The following STARD13 variants were observed in gnomAD, a reference collection of about 807,000 sequenced individuals.
STARD13 encodes the protein stAR-related lipid transfer protein 13.
In STARD13, 62 loss-of-function variants were observed where a neutral mutation model predicts 106.4. The ratio of observed to expected loss-of-function variants is 0.58; its 90% confidence interval spans 0.48 to 0.72. The LOEUF (loss-of-function observed/expected upper bound fraction) is 0.72. Ranked by LOEUF, STARD13 falls within the 30% of genes least tolerant of loss-of-function variation. STARD13 has a pLI of 0.00. For missense variants in STARD13, 1,387 were observed against 1,424.0 expected, an observed-to-expected ratio of 0.97 and a Z score of 0.42; for synonymous variants, 565 against 553.0, an observed-to-expected ratio of 1.02 and a Z score of -0.31.
At chr13:33,225,472 A>G (rs1888576491) in intron 1 of STARD13, among the ~76,000 whole-genome samples, 1 of 152,170 alleles carries the variant, frequency 6.6e-6, no homozygotes, top group Non-Finnish European at 1.5e-5. Flanking sequence ...ATTACGTGTA[A>G]AGTAAGAGTA....
intron 1 of STARD13, among the ~76,000 whole-genome samples, chr13:33,224,992 T>G (rs966399783): frequency 2.6e-5 from 4 of 151,684 alleles, no homozygotes; most frequent in African/African-American, 9.6e-5. Context: ...TAACAGGATT[T>G]TGTGTGTGTG....
At chr13:33,142,457 A>T (rs1401539818) in intron 3 of STARD13, 84 bp from the exon 4 acceptor site, 5 of 1,297,940 alleles carry the variant, frequency 3.9e-6, no homozygotes, top group Admixed American at 3.4e-5. Flanking sequence ...TATTTCCAGT[A>T]AAGTTGAAAC....
At chr13:33,528,381 A>G in the STARD13 span, among the ~76,000 whole-genome samples, 2 of 149,930 alleles carry the variant, frequency 1.3e-5, no homozygotes, top group African/African-American at 4.9e-5. Context: ...GCCATCCTCC[A>G]GCTTCAGTCT....
At chr13:33,454,957 C>T in the STARD13 span, among the ~76,000 whole-genome samples, 1 of 152,182 alleles carries the variant, frequency 6.6e-6, no homozygotes, top group East Asian at 1.9e-4. Flanking sequence ...CTGGCCTACA[C>T]TCTGGGAAGG....
chr13:33,296,023 C>T (rs1296437737), intron 1 of STARD13, among the ~76,000 whole-genome samples: 6 of 151,646 alleles, frequency 4.0e-5, no homozygotes, highest in Non-Finnish European at 8.8e-5. Context: ...GAGTTCAAGA[C>T]CAGCCTGGCC....
chr13:33,362,701 C>G, the STARD13 span, among the ~76,000 whole-genome samples: 1 of 152,202 alleles, frequency 6.6e-6, no homozygotes. Context: ...TAGCTGTCCC[C>G]TCTTTGGAAG....
chr13:33,215,115 T>C (rs1887955707), intron 1 of STARD13, among the ~76,000 whole-genome samples: 1 of 37,976 alleles, frequency 2.6e-5, no homozygotes, highest in African/African-American at 1.3e-4. Flanking sequence ...ATAGAATGAG[T>C]ACTTGGGGGG....
chr13:33,140,167 G>A (rs1436638267), intron 4 of STARD13, among the ~76,000 whole-genome samples: 1 of 152,208 alleles, frequency 6.6e-6, no homozygotes, highest in Non-Finnish European at 1.5e-5. Context: ...TCTCGCCTCT[G>A]GGTTTTGAAA....
the STARD13 span, among the ~76,000 whole-genome samples, chr13:33,650,400 C>T: frequency 6.6e-6 from 1 of 150,822 alleles, no homozygotes; most frequent in African/African-American, 2.4e-5. Context: ...CCGTTTTAGC[C>T]GGGATGGTCT....
the STARD13 span, among the ~76,000 whole-genome samples, chr13:33,634,681 T>C: frequency 6.6e-6 from 1 of 152,088 alleles, no homozygotes; most frequent in Non-Finnish European, 1.5e-5. Context: ...CTGTTGCGTT[T>C]TGATAAACAC....
At chr13:33,498,996 G>A in the STARD13 span, among the ~76,000 whole-genome samples, 1 of 152,128 alleles carries the variant, frequency 6.6e-6, no homozygotes, top group Admixed American at 6.6e-5. Flanking sequence ...AAATTAGACA[G>A]GTGTGGTGGC....
intron 1 of STARD13, among the ~76,000 whole-genome samples, chr13:33,294,404 C>T (rs1228720919): frequency 6.6e-6 from 1 of 152,160 alleles, no homozygotes. Flanking sequence ...AGTTGATCAC[C>T]CACTAACTGT....
chr13:33,436,922 A>G, the STARD13 span, among the ~76,000 whole-genome samples: 4 of 152,314 alleles, frequency 2.6e-5, no homozygotes, highest in South Asian at 8.3e-4. Flanking sequence ...ACAGTGGGTC[A>G]GGGTCATATC....
chr13:33,116,391 G>T (rs1875376041), intron 8 of STARD13, among the ~76,000 whole-genome samples: 1 of 152,058 alleles, frequency 6.6e-6, no homozygotes, highest in Non-Finnish European at 1.5e-5. Context: ...GGAGTTTTTT[G>T]TGTTCATGCC....
intron 1 of STARD13, among the ~76,000 whole-genome samples, chr13:33,207,377 C>T (rs2555591): frequency 0.7 from 106,567 of 152,094 alleles, 37,833 homozygotes; most frequent in African/African-American, 0.75. Context: ...AAAAACACAA[C>T]TGGAGTCTGT....
At position 33,116,825 on chromosome 13, in the gene STARD13, C is replaced by T. The variant is rs541611307; in HGVS notation, c.2281+1240G>A. On this transcript the variant is annotated intron_variant, in intron 8 of 13. Coordinates refer to ENST00000336934, the MANE Select transcript of STARD13 (RefSeq NM_178006.4). ...AAACTAATATTTACTTAGTGGGTTGCCACCTTAATCTGTTTTCACAAGTGG... is the reference window on the plus strand; with the variant it reads ...AAACTAATATTTACTTAGTGGGTTGTCACCTTAATCTGTTTTCACAAGTGG... Among the ~76,000 whole-genome samples the T allele has an allele frequency of 1.2e-4, 19 of 152,302 alleles. No individual in the cohort carries two copies. The South Asian group carries it at 3.9e-3, about 32-fold the overall frequency.
chr13:33,189,410 CCTGCTTTCCCTCCTTCCTCCTTT>C (rs1886045292), intron 1 of STARD13, among the ~76,000 whole-genome samples: 5 of 56,174 alleles, frequency 8.9e-5, no homozygotes, highest in African/African-American at 1.1e-4. Flanking sequence ...TCCCTTTCCT[CCTGCTTTCCCTCCTTCCTCCTTT>C]CGGAGGAAGG....
chr13:33,414,790 G>A, the STARD13 span, among the ~76,000 whole-genome samples: 1 of 152,204 alleles, frequency 6.6e-6, no homozygotes, highest in South Asian at 2.1e-4. Flanking sequence ...TTATCAATGA[G>A]AGAAAATGGC....
chr13:33,535,519 C>G, the STARD13 span, among the ~76,000 whole-genome samples: 1 of 151,980 alleles, frequency 6.6e-6, no homozygotes, highest in Non-Finnish European at 1.5e-5. Context: ...AAAAATACAA[C>G]TTCCAGGAGC....
Sources: gnomAD v4.1 joint callset for allele counts (sites outside exome capture counted in the v4.1 genomes callset) on GRCh38, gnomAD v4.1.1 for gene constraint, MANE v1.5 for transcripts, NCBI Gene and HGNC (gene_info 2026-07-23, HGNC 2026-07-21) for gene names.